The following PHF7 variants were observed in gnomAD, a reference collection of about 807,000 sequenced individuals.
The protein encoded by PHF7 is E3 ubiquitin-protein ligase PHF7.
PHF7 carries 24 observed loss-of-function variants against 47.5 expected under a neutral mutation model. That is an observed-to-expected ratio of 0.51 (90% CI 0.37 to 0.71). The LOEUF (loss-of-function observed/expected upper bound fraction) is 0.71. Ranked by LOEUF, PHF7 falls within the 30% of genes least tolerant of loss-of-function variation. The pLI is 0.00. For synonymous variants in PHF7, 156 were observed against 153.8 expected (o/e 1.01, Z -0.11); for missense variants, 361 against 456.8 (o/e 0.79, Z 1.91).
intron 2 of PHF7, 124 bp downstream of exon 2, chr3:52,413,044 G>A (rs764284929): frequency 6.9e-6 from 5 of 720,798 alleles, no homozygotes; most frequent in South Asian, 4.7e-5. Flanking sequence ...AAGCACACAC[G>A]GAGCTGGGAG....
intron 4 of PHF7, among the ~76,000 whole-genome samples, chr3:52,417,006 A>G (rs1375151833): frequency 2.1e-5 from 2 of 96,870 alleles, no homozygotes; most frequent in Non-Finnish European, 4.0e-5. Context: ...TTGTAATTGT[A>G]ATGGAGCCCA....
chr3:52,413,261 A>C (rs1435178370), intron 2 of PHF7, among the ~76,000 whole-genome samples: 1 of 152,202 alleles, frequency 6.6e-6, no homozygotes, highest in Non-Finnish European at 1.5e-5. Context: ...TCATTGAGCT[A>C]CTGTAGATTA....
intron 5 of PHF7, 134 bp from the exon 6 acceptor site, chr3:52,420,177 C>A: frequency 9.8e-7 from 1 of 1,023,096 alleles, no homozygotes; most frequent in Non-Finnish European, 1.6e-6. Flanking sequence ...CCGGGTGCCC[C>A]AGAGCATTCA....
intron 7 of PHF7, 124 bp from the exon 8 acceptor site, chr3:52,421,524 C>G (rs1405730087): frequency 1.5e-6 from 1 of 682,226 alleles, no homozygotes; most frequent in Non-Finnish European, 2.7e-6. Flanking sequence ...CCCACCCAAA[C>G]TCCTTTTCCT....
At position 52,421,053 on chromosome 3, in the gene PHF7, G is replaced by A. The variant is rs1033902630; in HGVS notation, c.564G>A (p.Lys188=). ...GTAGTCAAGCCATCTACCACCGCAA[G>A]TGCATACAGGTGGGGCTTTTTCCGC... The part of the protein sequence containing the change: ...PCCSQAIYHR[K]CIQKYAHTSA... The change falls in exon 7 of 11, where the codon AAG becomes AAA. Residue 188 remains lysine, a synonymous_variant. Coordinates refer to ENST00000327906, the MANE Select transcript of PHF7 (RefSeq NM_016483.7). 1.2e-6 allele frequency: 2 copies of A among 1,608,498 alleles called. No individual in the cohort carries two copies. Among genetic ancestry groups the A allele is most frequent in the African/African-American group, 2.7e-5 (2 of 74,578 alleles).
intron 8 of PHF7, 162 bp from the exon 9 acceptor site, chr3:52,422,060 C>G: frequency 1.5e-6 from 1 of 677,418 alleles, no homozygotes; most frequent in Admixed American, 2.2e-5. Flanking sequence ...TGCTTCAACC[C>G]TCTCCCACTG....
chr3:52,415,395 G>A lies in PHF7; in HGVS notation c.186+808G>A, dbSNP rs560853407. 7.2e-5 allele frequency among the ~76,000 whole-genome samples: 11 copies of A among 152,198 alleles called. No individual in the cohort carries two copies. In the East Asian group the frequency reaches 1.7e-3, roughly 24 times the overall value. On this transcript the variant is annotated intron_variant, in intron 4 of 10. Coordinates refer to ENST00000327906, the MANE Select transcript of PHF7 (RefSeq NM_016483.7). ...ATTTTTAGTAGAGACAGGTTTCACCGTGTTAGCCAGGCTGGTCTTGAACAA... is the reference window on the plus strand; with the variant it reads ...ATTTTTAGTAGAGACAGGTTTCACCATGTTAGCCAGGCTGGTCTTGAACAA...
intron 5 of PHF7, 100 bp from the exon 6 acceptor site, chr3:52,420,211 C>T (rs1559601170): frequency 7.6e-7 from 1 of 1,307,888 alleles, no homozygotes; most frequent in African/African-American, 1.4e-5. Flanking sequence ...TAGGGAATGG[C>T]TATTATTTCA....
intron 6 of PHF7, 52 bp from the exon 7 acceptor site, chr3:52,420,851 G>A: frequency 1.3e-6 from 2 of 1,552,776 alleles, no homozygotes; most frequent in Non-Finnish European, 1.7e-6. Context: ...GCGGGCCATT[G>A]GGAAACTACA....
intron 4 of PHF7, among the ~76,000 whole-genome samples, chr3:52,418,317 C>T (rs1705682292): frequency 6.6e-6 from 1 of 152,124 alleles, no homozygotes; most frequent in African/African-American, 2.4e-5. Flanking sequence ...AAACATTATA[C>T]AGAGTGCTTT....
intron 4 of PHF7, among the ~76,000 whole-genome samples, chr3:52,416,485 G>A (rs1041427055): frequency 4.0e-5 from 6 of 149,718 alleles, no homozygotes; most frequent in African/African-American, 1.5e-4. Context: ...CGCCTGGCCC[G>A]GCCCACATAT....
intron 9 of PHF7, 51 bp downstream of exon 9, chr3:52,422,389 G>C (rs374724320): frequency 1.7e-6 from 2 of 1,144,056 alleles, no homozygotes; most frequent in South Asian, 1.2e-5. Context: ...CTATCTTAGA[G>C]TTAGACCTTG....
intron 9 of PHF7, 110 bp from the exon 10 acceptor site, chr3:52,422,650 T>A (rs1705826545): frequency 1.7e-6 from 2 of 1,144,948 alleles, no homozygotes; most frequent in East Asian, 4.7e-5. Context: ...AGCCATACAT[T>A]CATCTTGGGT....
intron 4 of PHF7, 55 bp from the exon 5 acceptor site, chr3:52,419,778 C>G (rs1254437809): frequency 2.0e-6 from 2 of 988,700 alleles, no homozygotes; most frequent in Non-Finnish European, 3.2e-6. Context: ...CCTCACCTCA[C>G]TGCACTGTTT....
At position 52,422,264 on chromosome 3, in the gene PHF7, A is replaced by G; in HGVS notation, c.723A>G (p.Leu241=). The part of the protein sequence containing the change: ...WELEPGAFSD[L]YQRYQHCDAP... ...TCGAGCCAGGGGCTTTCTCAGACTT[A>G]TATCAGCGCTATCAGCACTGTGATG... is the stretch of plus-strand genomic sequence containing the variant. Residue 241 remains leucine (L), a synonymous_variant, in exon 9 of 11, where the codon TTA becomes TTG. Coordinates refer to ENST00000327906, the MANE Select transcript of PHF7 (RefSeq NM_016483.7). The G allele has an allele frequency of 3.7e-6, 6 of 1,614,058 alleles. No individual in the cohort carries two copies. Among genetic ancestry groups the G allele is most frequent in the South Asian group, 1.1e-5 (1 of 91,078 alleles).
Position 52,419,429 on chromosome 3 carries a change from C to CT in PHF7, c.187-393dup, listed in dbSNP as rs761599290. Among the ~76,000 whole-genome samples the CT allele has an allele frequency of 7.7e-3, 1,062 of 138,778 alleles. 39 individuals are homozygous for CT. The highest frequency in any genetic ancestry group is 0.014 in the South Asian group (61 of 4,258). The allele number at this position is 138,778 out of a possible 152,430, so 91.0% of individuals were successfully genotyped here. ...CATATATATTCCACCAAGCTCTGTT[C>CT]TTTTTTTTTTTCTTTTTTGAGACAG... On this transcript the variant is annotated intron_variant, in intron 4 of 10. Coordinates refer to ENST00000327906, the MANE Select transcript of PHF7 (RefSeq NM_016483.7).
chr3:52,411,386 T>A (rs1404902901), intron 1 of PHF7, 139 bp downstream of exon 1: 2 of 152,378 alleles, frequency 1.3e-5, no homozygotes, highest in African/African-American at 4.8e-5. Context: ...TCCAGTGTTT[T>A]CCTTAAGGAA....
chr3:52,421,159 G>C (rs1578246545), intron 7 of PHF7, 97 bp downstream of exon 7: 1 of 1,129,200 alleles, frequency 8.9e-7, no homozygotes. Context: ...CCTCAGCTTT[G>C]GTGCTCCATG....
chr3:52,422,828 G>T lies in PHF7; in HGVS notation c.866G>T (p.Arg289Ile), dbSNP rs748850770. Residue 289 changes from arginine to isoleucine, a missense_variant, in exon 10 of 11, where the codon AGA becomes ATA. Arg to Ile is a moderately conservative substitution (Grantham distance 97). Transcript: ENST00000327906. The part of the protein sequence containing the change: ...HGTHRDCSSL[R>I]SNSKKWECEE... ...ACCCACAGGGACTGCTCCTCTCTTA[G>T]ATCTAACAGTAAGAAATGGGAGTGT... The T allele has an allele frequency of 5.0e-6, 8 of 1,614,060 alleles. No individual in the cohort carries two copies. Among genetic ancestry groups the T allele is most frequent in the South Asian group, 3.3e-5 (3 of 91,078 alleles).
Sources: allele counts gnomAD v4.1 joint callset (sites outside exome capture counted in the v4.1 genomes callset), GRCh38; gene constraint gnomAD v4.1.1; transcripts MANE v1.5; gene names NCBI Gene and HGNC (gene_info 2026-07-23, HGNC 2026-07-21).